MTMR1: variants seen among roughly 807,000 people sequenced by gnomAD.
MTMR1 encodes phosphatidylinositol-3-phosphate phosphatase MTMR1.
MTMR1 carries 17 observed loss-of-function variants against 51.6 expected under a neutral mutation model. That is an observed-to-expected ratio of 0.33 (90% CI 0.23 to 0.49). MTMR1 has a LOEUF of 0.49. Ranked by LOEUF, MTMR1 falls within the 20% of genes least tolerant of loss-of-function variation. The pLI, the probability that MTMR1 is intolerant of heterozygous loss-of-function variation, is 0.99. For synonymous variants in MTMR1, 201 were observed against 205.6 expected (o/e 0.98, Z 0.19); for missense variants, 386 against 526.9 (o/e 0.73, Z 2.62).
intron 4 of MTMR1, among the ~76,000 whole-genome samples, chrX:150,723,135 G>C (rs782122060): frequency 0.028 from 3,108 of 109,638 alleles, 47 homozygotes; most frequent in Non-Finnish European, 0.045. Context: ...AGTTTACTGA[G>C]AATGATGATT....
At chrX:150,713,804 G>A (rs932808368) in intron 3 of MTMR1, among the ~76,000 whole-genome samples, 3 of 111,486 alleles carry the variant, frequency 2.7e-5, no homozygotes, top group Admixed American at 9.6e-5. Context: ...GCTGTTTCTT[G>A]GAAGTGCGTT....
At chrX:150,740,375 A>C (rs1453093111) in intron 12 of MTMR1, among the ~76,000 whole-genome samples, 1 of 111,500 alleles carries the variant, frequency 9.0e-6, no homozygotes, top group Non-Finnish European at 1.9e-5. Context: ...CACTTTCTTC[A>C]TTCGGCTTCT....
chrX:150,760,357 AGCCTGTTGGGCCTCTTTTCTCTGAGAAG>A (rs2043067449), intron 15 of MTMR1, among the ~76,000 whole-genome samples: 1 of 98,917 alleles, frequency 1.0e-5, no homozygotes, highest in African/African-American at 3.4e-5. Context: ...GGCAGATGCA[AGCCTGTTGGGCCTCTTTTCTCTGAGAAG>A]GCAGTGGCTC....
chrX:150,728,415 C>T (rs1026388060), intron 6 of MTMR1, among the ~76,000 whole-genome samples: 3 of 111,908 alleles, frequency 2.7e-5, no homozygotes, highest in Non-Finnish European at 5.6e-5. Context: ...AAGCAGAGAC[C>T]AATACATTTC....
intron 12 of MTMR1, among the ~76,000 whole-genome samples, chrX:150,741,718 C>A (rs1461198648): frequency 8.9e-6 from 1 of 112,770 alleles, no homozygotes; most frequent in Non-Finnish European, 1.9e-5. Context: ...GAGGGCCAGG[C>A]ATGATGCCTT....
In MTMR1 at chrX:150,698,674, GCGCGCGCACACA is replaced by G. The variant is rs1320217067; in HGVS notation, c.147-519_147-508del. 2.5e-3 allele frequency among the ~76,000 whole-genome samples: 153 copies of G among 61,215 alleles called. 1 individual carries two copies. The highest frequency in any genetic ancestry group is 8.8e-3 in the Middle Eastern group (1 of 113). 53.2% of individuals were successfully genotyped at this position (61,215 alleles called of 115,157 possible). On this transcript the variant is annotated intron_variant, in intron 1 of 15. Coordinates refer to ENST00000445323, the MANE Select transcript of MTMR1 (RefSeq NM_001306144.3). ...AAACATGGCAAAACCCTGTCTACACGCGCGCGCACACACACACACACACACACACACACACAC... is the reference window on the plus strand; with the variant it reads ...AAACATGGCAAAACCCTGTCTACACGCACACACACACACACACACACACAC...
Position 150,693,408 on chromosome X carries a change from C to T in MTMR1, c.-123C>T. 24 of 740,464 alleles carry T rather than the reference C, an allele frequency of 3.2e-5. No individual in the cohort carries two copies. The highest frequency in any genetic ancestry group is 3.5e-5 in the Non-Finnish European group (22 of 627,244). The allele number at this position is 740,464 out of a possible 1,213,427, so 61.0% of individuals were successfully genotyped here. A position where few individuals can be genotyped will look rare whatever the true frequency, so the allele number is the denominator to read the frequency against. On this transcript the variant is annotated 5_prime_UTR_variant, in exon 1 of 16. Coordinates refer to ENST00000445323, the MANE Select transcript of MTMR1 (RefSeq NM_001306144.3). ...GGGGCCGCCAGGTGACAGCTAATGG[C>T]GGCGGCCGCCTGAGGCGGGCGGGCG...
chrX:150,740,752 G>T (rs1479759527), intron 12 of MTMR1, among the ~76,000 whole-genome samples: 1 of 111,270 alleles, frequency 9.0e-6, no homozygotes, highest in African/African-American at 3.3e-5. Flanking sequence ...CATGGTGCCG[G>T]CATCTGCTTC....
At chrX:150,711,952 C>CTT (rs111849761) in intron 2 of MTMR1, among the ~76,000 whole-genome samples, 51 of 102,713 alleles carry the variant, frequency 5.0e-4, no homozygotes, top group Non-Finnish European at 6.4e-4. Flanking sequence ...ATATAACTGC[C>CTT]TTTTTTTTTT....
rs45475296 is a variant in MTMR1 at position 150,712,424 on chromosome X, C to T, written c.276+59C>T. ...CTACTTGTGTGTGTCTGTGCTTTATCGAACACTTAGTCTATTTAGTGTTCT... is the reference window on the plus strand; with the variant it reads ...CTACTTGTGTGTGTCTGTGCTTTATTGAACACTTAGTCTATTTAGTGTTCT... On this transcript the variant is annotated intron_variant, in intron 3 of 15. Coordinates refer to ENST00000445323, the MANE Select transcript of MTMR1 (RefSeq NM_001306144.3). The T allele has an allele frequency of 3.1e-3, 3,274 of 1,040,077 alleles. 8 individuals carry two copies. The highest frequency in any genetic ancestry group is 9.8e-3 in the Middle Eastern group (39 of 3,995). 85.7% of individuals were successfully genotyped at this position (1,040,077 alleles called of 1,213,427 possible). A position where few individuals can be genotyped will look rare whatever the true frequency, so the allele number is the denominator to read the frequency against.
intron 15 of MTMR1, among the ~76,000 whole-genome samples, chrX:150,762,172 G>C (rs1321220393): frequency 8.8e-6 from 1 of 113,038 alleles, no homozygotes; most frequent in Non-Finnish European, 1.9e-5. Context: ...GGAGATGCTG[G>C]AAAGGGGTCT....
intron 3 of MTMR1, chrX:150,714,544 G>A (rs1286177041): frequency 2.3e-5 from 22 of 971,413 alleles, no homozygotes; most frequent in Non-Finnish European, 2.5e-5. Flanking sequence ...CAAGTTCTAC[G>A]TGTTCATCTG....
intron 7 of MTMR1, 72 bp downstream of exon 7, chrX:150,730,282 T>A: frequency 1.3e-6 from 1 of 771,267 alleles, no homozygotes; most frequent in Non-Finnish European, 1.8e-6. Flanking sequence ...TAATTATTCC[T>A]TTTTCCAGAG....
intron 12 of MTMR1, among the ~76,000 whole-genome samples, chrX:150,742,572 T>C (rs1384429312): frequency 1.8e-5 from 2 of 110,423 alleles, no homozygotes; most frequent in East Asian, 5.7e-4. Flanking sequence ...ATCCCAGCAC[T>C]TTGGGAGGCC....
At chrX:150,733,546 C>T (rs781801580) in intron 10 of MTMR1, among the ~76,000 whole-genome samples, 1 of 110,478 alleles carries the variant, frequency 9.1e-6, no homozygotes, top group South Asian at 3.9e-4. Context: ...TATATTCCAA[C>T]TGGCCTGAGA....
In MTMR1 at chrX:150,738,110, G is replaced by A. The variant is rs190912739; in HGVS notation, c.1473+662G>A. On this transcript the variant is annotated intron_variant, in intron 12 of 15. Coordinates refer to ENST00000445323, the MANE Select transcript of MTMR1 (RefSeq NM_001306144.3). ...AAAACCGTACTCTTCACCTCAAAAG[G>A]AAATGCTGTACACATTAAACAGTCA... 3.5e-3 allele frequency among the ~76,000 whole-genome samples: 390 copies of A among 111,691 alleles called. 1 individual carries two copies. The highest frequency in any genetic ancestry group is 9.2e-3 in the Middle Eastern group (2 of 218).
At position 150,750,756 on chromosome X, in the gene MTMR1, G is replaced by A; in HGVS notation, c.1593G>A (p.Glu531=). 3 of 1,204,837 alleles carry A rather than the reference G, an allele frequency of 2.5e-6. No individual in the cohort carries two copies. The highest frequency in any genetic ancestry group is 3.4e-6 in the Non-Finnish European group (3 of 890,159). ...TTCCTTCAGCATTCGAGTTTAATGAGCTATTCTTGATTACAATTTTGGATC... is the reference window on the plus strand; with the variant it reads ...TTCCTTCAGCATTCGAGTTTAATGAACTATTCTTGATTACAATTTTGGATC... ...RQFPSAFEFN[E]LFLITILDHL... The change falls in exon 14 of 16, where the codon GAG becomes GAA. Residue 531 remains glutamate (E), a synonymous_variant. Coordinates refer to ENST00000445323, the MANE Select transcript of MTMR1 (RefSeq NM_001306144.3).
At chrX:150,728,352 G>A (rs782058457) in intron 6 of MTMR1, among the ~76,000 whole-genome samples, 2 of 112,040 alleles carry the variant, frequency 1.8e-5, no homozygotes, top group South Asian at 3.7e-4. Flanking sequence ...TCTAATTAAC[G>A]TGGACCTATA....
rs181132394 is a variant in MTMR1 at position 150,750,066 on chromosome X, G to A, written c.1567-664G>A. ...CTGGTGGTGGAGGTTGCAGTGAGCC[G>A]AGATGGCGCCATGGTGCTATTGCAC... On this transcript the variant is annotated intron_variant, in intron 13 of 15. Coordinates refer to ENST00000445323, the MANE Select transcript of MTMR1 (RefSeq NM_001306144.3). Among the ~76,000 whole-genome samples, 683 of 110,747 alleles carry A rather than the reference G, an allele frequency of 6.2e-3. 5 individuals carry two copies. Among genetic ancestry groups the A allele is most frequent in the Non-Finnish European group, 7.7e-3 (407 of 52,852 alleles).
Sources: allele counts gnomAD v4.1 joint callset (sites outside exome capture counted in the v4.1 genomes callset), GRCh38; gene constraint gnomAD v4.1.1; transcripts MANE v1.5; gene names NCBI Gene and HGNC (gene_info 2026-07-23, HGNC 2026-07-21).